IGLL5: variants seen among roughly 807,000 people sequenced by gnomAD.
The protein encoded by IGLL5 is immunoglobulin lambda-like polypeptide 5.
In IGLL5, 30 loss-of-function variants were observed where a neutral mutation model predicts 20.9. That is an observed-to-expected ratio of 1.44 (90% CI 1.07 to 1.95). The LOEUF (loss-of-function observed/expected upper bound fraction) is 1.95. Ranked by LOEUF, IGLL5 falls within the 30% of genes most tolerant of loss-of-function variation. The probability of loss-of-function intolerance (pLI) is 0.00; values close to 1 mark genes in which losing one functional copy is unlikely to be tolerated. For missense variants in IGLL5, 475 were observed against 270.7 expected (o/e 1.75, Z -5.30); for synonymous variants, 203 against 117.3 (o/e 1.73, Z -4.72).
intron 1 of IGLL5, among the ~76,000 whole-genome samples, chr22:22,890,773 A>G (rs1045349905): frequency 6.6e-6 from 1 of 151,010 alleles, no homozygotes; most frequent in Non-Finnish European, 1.5e-5. Context: ...CAATAATGCA[A>G]AATTGTTGAT....
chr22:22,889,134 C>T (rs1193110151), intron 1 of IGLL5, among the ~76,000 whole-genome samples: 2 of 151,152 alleles, frequency 1.3e-5, no homozygotes, highest in East Asian at 2.0e-4. Context: ...GGATTGGAGG[C>T]TGATGCGACG....
intron 1 of IGLL5, among the ~76,000 whole-genome samples, chr22:22,891,030 T>C (rs1483496075): frequency 1.3e-5 from 2 of 151,186 alleles, no homozygotes; most frequent in African/African-American, 4.9e-5. Context: ...GTAAATATTT[T>C]TCCCTGGTCT....
chr22:22,890,803 C>T (rs2146010795), intron 1 of IGLL5, among the ~76,000 whole-genome samples: 1 of 151,156 alleles, frequency 6.6e-6, no homozygotes, highest in East Asian at 2.0e-4. Flanking sequence ...TTCTGCCCAT[C>T]TGATGAGCAA....
chr22:22,888,205 A>T lies in IGLL5; in HGVS notation c.152A>T (p.Asp51Val), dbSNP rs1427741424. The T allele has an allele frequency of 6.5e-7, 1 of 1,548,434 alleles. No individual in the cohort carries two copies. The highest frequency in any genetic ancestry group is 8.7e-7 in the Non-Finnish European group (1 of 1,146,514). ...PMVAPQSGDP[D>V]PGASVGSSRS... The stretch of plus-strand genomic sequence containing the variant: ...GTTGCACCGCAAAGCGGGGACCCAG[A>T]CCCTGGAGCCTCAGTTGGAAGCAGC... Residue 51 changes from aspartate to valine, a missense_variant, in exon 1 of 3, where the codon GAC (aspartate) becomes GTC (valine). Asp to Val is a radical substitution (Grantham distance 152, BLOSUM62 -3). Transcript: ENST00000526893.
chr22:22,894,319 A>T (rs555067076), intron 2 of IGLL5, among the ~76,000 whole-genome samples: 2 of 151,374 alleles, frequency 1.3e-5, no homozygotes, highest in Middle Eastern at 3.7e-3. Context: ...GGTCACCCCA[A>T]GGGGAGACCA....
chr22:22,895,744 G>A lies in IGLL5; in HGVS notation c.*50G>A, dbSNP rs2066754409. 1.3e-6 allele frequency: 2 copies of A among 1,578,862 alleles called. No individual in the cohort carries two copies. The highest frequency in any genetic ancestry group is 1.4e-5 in the African/African-American group (1 of 74,034). ...GGGAGCCTGGAGCTGCAGGATCCCA[G>A]GGGAGGGGTCTCTCTCCCCATCCCA... is the stretch of plus-strand genomic sequence containing the variant. On this transcript the variant is annotated 3_prime_UTR_variant, in exon 3 of 3. Coordinates refer to ENST00000526893, the MANE Select transcript of IGLL5 (RefSeq NM_001178126.2).
chr22:22,889,590 T>G (rs1354408621), intron 1 of IGLL5, among the ~76,000 whole-genome samples: 1 of 151,170 alleles, frequency 6.6e-6, no homozygotes, highest in Admixed American at 6.6e-5. Context: ...TTTGGGGGAC[T>G]GTTGTTGTTT....
At chr22:22,889,619 G>C (rs532688643) in intron 1 of IGLL5, among the ~76,000 whole-genome samples, 2 of 151,278 alleles carry the variant, frequency 1.3e-5, no homozygotes, top group African/African-American at 4.8e-5. Flanking sequence ...AAACAGTCTT[G>C]ATCTGTTGCT....
intron 1 of IGLL5, among the ~76,000 whole-genome samples, chr22:22,891,287 A>C (rs2067839382): frequency 6.6e-6 from 1 of 150,820 alleles, no homozygotes; most frequent in African/African-American, 2.4e-5. Flanking sequence ...ATAAGACCTT[A>C]TTTTCCAAAT....
At position 22,887,875 on chromosome 22, in the gene IGLL5, C is replaced by T. The variant is rs1445596396; in HGVS notation, c.-179C>T. The T allele has an allele frequency of 1.2e-5, 8 of 651,294 alleles. 1 individual carries two copies. The highest frequency in any genetic ancestry group is 9.0e-5 in the South Asian group (5 of 55,408). 40.3% of individuals were successfully genotyped at this position (651,294 alleles called of 1,614,324 possible). A position where few individuals can be genotyped will look rare whatever the true frequency, so the allele number is the denominator to read the frequency against. On this transcript the variant is annotated 5_prime_UTR_variant, in exon 1 of 3. Coordinates refer to ENST00000526893, the MANE Select transcript of IGLL5 (RefSeq NM_001178126.2). ...TGGGAGAGATCCCCAGGGGTGACAGCCATGGACCCTGGAAGGGCCTGGGCT... is the reference window on the plus strand; with the variant it reads ...TGGGAGAGATCCCCAGGGGTGACAGTCATGGACCCTGGAAGGGCCTGGGCT...
intron 1 of IGLL5, among the ~76,000 whole-genome samples, 153 bp downstream of exon 1, chr22:22,888,412 G>T (rs2067593684): frequency 6.6e-6 from 1 of 151,442 alleles, no homozygotes; most frequent in Non-Finnish European, 1.5e-5. Flanking sequence ...TTGATATTTT[G>T]TCCATCACAG....
intron 2 of IGLL5, among the ~76,000 whole-genome samples, chr22:22,894,739 G>A (rs1470481390): frequency 6.6e-6 from 1 of 151,398 alleles, no homozygotes; most frequent in African/African-American, 2.4e-5. Context: ...TGAGGTGAAG[G>A]GTTCTGTGGT....
chr22:22,889,686 C>G (rs2067744810), intron 1 of IGLL5, among the ~76,000 whole-genome samples: 1 of 151,290 alleles, frequency 6.6e-6, no homozygotes, highest in Admixed American at 6.6e-5. Context: ...CTCCAGGGCT[C>G]AAAAGATCCT....
chr22:22,891,806 T>A (rs920966777), intron 1 of IGLL5, among the ~76,000 whole-genome samples: 4 of 151,274 alleles, frequency 2.6e-5, no homozygotes, highest in African/African-American at 9.7e-5. Context: ...ATGATTACTG[T>A]TTCTATAGCA....
intron 1 of IGLL5, among the ~76,000 whole-genome samples, chr22:22,889,767 T>G (rs2067751284): frequency 6.6e-6 from 1 of 151,136 alleles, no homozygotes; most frequent in African/African-American, 2.4e-5. Context: ...TTGATTAGGA[T>G]TATTATTAGT....
At position 22,894,699 on chromosome 22, in the gene IGLL5, A is replaced by C. The variant is rs2066684349; in HGVS notation, c.326-676A>C. 2.0e-5 allele frequency among the ~76,000 whole-genome samples: 3 copies of C among 151,356 alleles called. 1 individual carries two copies. Among genetic ancestry groups the C allele is most frequent in the South Asian group, 2.1e-4 (1 of 4,762 alleles). ...GTGGGCCTGGGGGCTGCTGAGTCTC[A>C]TAGTCTGTGGGAGCAGCCCCAGGAA... On this transcript the variant is annotated intron_variant, in intron 2 of 2. Coordinates refer to ENST00000526893, the MANE Select transcript of IGLL5 (RefSeq NM_001178126.2).
chr22:22,895,826 A>G lies in IGLL5; in HGVS notation c.*132A>G, dbSNP rs2146056059. On this transcript the variant is annotated 3_prime_UTR_variant, in exon 3 of 3. Coordinates refer to ENST00000526893, the MANE Select transcript of IGLL5 (RefSeq NM_001178126.2). The stretch of plus-strand genomic sequence containing the variant: ...AACCCCAATAAATATCCTCATTGAC[A>G]ACCAGAAATCTTGTTTTATCTCATT... The G allele has an allele frequency of 1.2e-6, 1 of 866,186 alleles. No individual in the cohort carries two copies. The highest frequency in any genetic ancestry group is 2.6e-5 in the East Asian group (1 of 38,970). The allele number at this position is 866,186 out of a possible 1,614,324, so 53.7% of individuals were successfully genotyped here. A position where few individuals can be genotyped will look rare whatever the true frequency, so the allele number is the denominator to read the frequency against.
At chr22:22,893,398 T>A (rs1474167386) in intron 1 of IGLL5, among the ~76,000 whole-genome samples, 1 of 151,148 alleles carries the variant, frequency 6.6e-6, no homozygotes, top group Non-Finnish European at 1.5e-5. Context: ...TCAGAGGCCC[T>A]TTAAATGAGG....
intron 1 of IGLL5, among the ~76,000 whole-genome samples, chr22:22,888,499 A>T (rs145247648): frequency 1.3e-5 from 2 of 151,386 alleles, no homozygotes; most frequent in Admixed American, 6.6e-5. Context: ...GGCGCCACTT[A>T]AATTTTCACC....
Sources: allele counts gnomAD v4.1 joint callset (sites outside exome capture counted in the v4.1 genomes callset), GRCh38; gene constraint gnomAD v4.1.1; transcripts MANE v1.5; gene names NCBI Gene and HGNC (gene_info 2026-07-23, HGNC 2026-07-21).